Variants in PHIP observed in about 807,000 individuals in gnomAD.
The protein encoded by PHIP is PHIP subunit of CUL4-Ring ligase complex.
PHIP carries 54 observed loss-of-function variants against 236.8 expected under a neutral mutation model. The ratio of observed to expected loss-of-function variants is 0.23; its 90% CI spans 0.18 to 0.29. PHIP has a LOEUF of 0.29. Ranked by LOEUF, PHIP falls within the 10% of genes least tolerant of loss-of-function variation. The pLI, the probability that PHIP is intolerant of heterozygous loss-of-function variation, is 1.00. For missense variants in PHIP, 1,370 were observed against 2,190.8 expected (o/e 0.63, Z 7.48); for synonymous variants, 756 against 718.9 (o/e 1.05, Z -0.83).
chr6:78,988,356 A>C lies in PHIP; in HGVS notation c.2320-7T>G, dbSNP rs1768997193. 3.2e-6 allele frequency: 5 copies of C among 1,564,138 alleles called. No homozygotes were observed. The highest frequency in any genetic ancestry group is 3.5e-6 in the Non-Finnish European group (4 of 1,156,346). On this transcript the variant is annotated splice_region_variant and splice_polypyrimidine_tract_variant and intron_variant, in intron 20 of 39. Transcript: ENST00000275034. ...AATGCTCATGAGCATGATTCTAGAA[A>C]AAAATAAATTAAATTTATTCACAGA...
Position 79,069,155 on chromosome 6 carries a change from T to C in PHIP, c.189+8293A>G, listed in dbSNP as rs539740512. ...AACAAAATTATAGAAATACAATATA[T>C]TGTATATACATTAATTATATTTTAT... On this transcript the variant is annotated intron_variant, in intron 4 of 39. Coordinates refer to ENST00000275034, the MANE Select transcript of PHIP (RefSeq NM_017934.7). Among the ~76,000 whole-genome samples the C allele has an allele frequency of 1.5e-3, 221 of 148,572 alleles. 2 individuals carry two copies. The Middle Eastern group carries it at 0.04, about 27-fold the overall frequency.
chr6:79,036,825 G>A (rs536508402), intron 7 of PHIP, among the ~76,000 whole-genome samples: 1 of 148,336 alleles, frequency 6.7e-6, no homozygotes, highest in South Asian at 2.1e-4. Flanking sequence ...GGAGGCTGAG[G>A]CAGAAGAATG....
At chr6:79,031,185 C>T (rs1440524900) in intron 7 of PHIP, among the ~76,000 whole-genome samples, 2 of 152,178 alleles carry the variant, frequency 1.3e-5, no homozygotes, top group African/African-American at 4.8e-5. Context: ...CTCAAGTGAT[C>T]CATCTGCCTC....
At chr6:79,054,363 T>C (rs1582293420) in intron 6 of PHIP, among the ~76,000 whole-genome samples, 1 of 142,192 alleles carries the variant, frequency 7.0e-6, no homozygotes, top group Non-Finnish European at 1.5e-5. Context: ...AAGCGAAGTA[T>C]AAAACCTTTA....
intron 7 of PHIP, among the ~76,000 whole-genome samples, chr6:79,038,063 T>C (rs916013078): frequency 3.9e-5 from 6 of 152,246 alleles, no homozygotes; most frequent in African/African-American, 1.4e-4. Context: ...ATATTAAGTG[T>C]ATTCAGTTTT....
intron 19 of PHIP, among the ~76,000 whole-genome samples, chr6:78,994,662 C>G (rs1398751393): frequency 6.6e-6 from 1 of 152,092 alleles, no homozygotes; most frequent in East Asian, 1.9e-4. Flanking sequence ...AAATAAGTTC[C>G]ACACAGAAAT....
intron 23 of PHIP, among the ~76,000 whole-genome samples, chr6:78,980,442 C>A (rs77931443): frequency 0.02 from 2,983 of 151,936 alleles, 90 homozygotes; most frequent in African/African-American, 0.068. Context: ...ATAATTAATT[C>A]CCTGATGGAC....
At chr6:79,059,357 A>T (rs1773238036) in intron 6 of PHIP, among the ~76,000 whole-genome samples, 1 of 151,740 alleles carries the variant, frequency 6.6e-6, no homozygotes, top group Non-Finnish European at 1.5e-5. Context: ...GACATATCAT[A>T]CTCAAACTGC....
intron 7 of PHIP, among the ~76,000 whole-genome samples, chr6:79,036,921 CAAAAAAAAAAAA>C (rs34875528): frequency 1.0e-4 from 4 of 38,950 alleles, no homozygotes; most frequent in Non-Finnish European, 1.4e-4. Context: ...GACTCCGTCT[CAAAAAAAAAAAA>C]AAAAAAAAAA....
intron 7 of PHIP, among the ~76,000 whole-genome samples, chr6:79,028,832 T>G (rs192122685): frequency 6.6e-6 from 1 of 152,312 alleles, no homozygotes; most frequent in East Asian, 1.9e-4. Context: ...AATAAGAGTG[T>G]GTTTTACATT....
Position 78,954,951 on chromosome 6 carries a change from T to C in PHIP, c.3916A>G (p.Arg1306Gly), listed in dbSNP as rs1296475851. 6.4e-7 allele frequency: 1 copy of C among 1,560,842 alleles called. No homozygotes were observed. Among genetic ancestry groups the C allele is most frequent in the Admixed American group, 2.2e-5 (1 of 45,610 alleles). ...TGGGCTCTATTACGTAATCTTCTTC[T>C]AGGCTGATGGTCCTGTGATAAAAGT... Reference protein sequence around the residue: ...STRKRKDHQPRRRLRNRAQSY... With the variant: ...STRKRKDHQPGRRLRNRAQSY... The change falls in exon 35 of 40, where the codon AGA (arginine) becomes GGA (glycine). Residue 1306 changes from arginine (R) to glycine (G), a missense_variant. This residue lies in a region of PHIP where 125 missense variants were observed against 235.1 expected (regional missense o/e 0.53). Coordinates refer to ENST00000275034, the MANE Select transcript of PHIP (RefSeq NM_017934.7).
rs112227262 is a variant in PHIP at position 78,998,435 on chromosome 6, T to G, written c.1880-44A>C. ...AATATTACGAATATTTTAGCTACTA[T>G]TCAAACCATTTTACTCACCAACCTC... is the stretch of plus-strand genomic sequence containing the variant. On this transcript the variant is annotated intron_variant, in intron 17 of 39. Transcript: ENST00000275034. 1.0e-3 allele frequency: 1,611 copies of G among 1,557,340 alleles called. 18 individuals are homozygous for G. In the African/African-American group the frequency reaches 0.019, roughly 18 times the overall value.
chr6:79,078,143 C>A lies in PHIP; in HGVS notation c.-75G>T, dbSNP rs1450845442. ...GAAGCGGGGACGGTGCCGCCGCCTG[C>A]CCTATAGCTGTCAGTGTGTGTTCAC... On this transcript the variant is annotated 5_prime_UTR_variant, in exon 1 of 40. Transcript: ENST00000275034. 9 of 1,455,640 alleles carry A rather than the reference C, an allele frequency of 6.2e-6. No individual in the cohort carries two copies. In the Admixed American group the frequency reaches 9.0e-5, roughly 14 times the overall value. The allele number at this position is 1,455,640 out of a possible 1,614,324, so 90.2% of individuals were successfully genotyped here.
chr6:79,045,229 C>T (rs1333211698), intron 6 of PHIP, among the ~76,000 whole-genome samples: 7 of 151,994 alleles, frequency 4.6e-5, no homozygotes, highest in Non-Finnish European at 2.9e-5. Context: ...TACGTAGATT[C>T]CCAGGTAATA....
In PHIP at chr6:78,990,849, C is replaced by A; in HGVS notation, c.2319+19G>T. ...TACTTAAGAAGCAAATATTAAACAT[C>A]AAAATAATTAATATGTACCTTTGAG... is the stretch of plus-strand genomic sequence containing the variant. On this transcript the variant is annotated intron_variant, in intron 20 of 39. Coordinates refer to ENST00000275034, the MANE Select transcript of PHIP (RefSeq NM_017934.7). The A allele has an allele frequency of 7.3e-7, 1 of 1,372,794 alleles. No individual in the cohort carries two copies. The highest frequency in any genetic ancestry group is 1.3e-5 in the South Asian group (1 of 79,770). 85.0% of individuals were successfully genotyped at this position (1,372,794 alleles called of 1,614,324 possible). A position where few individuals can be genotyped will look rare whatever the true frequency, so the allele number is the denominator to read the frequency against.
intron 9 of PHIP, among the ~76,000 whole-genome samples, chr6:79,022,338 G>T (rs1771161394): frequency 6.6e-6 from 1 of 152,104 alleles, no homozygotes; most frequent in African/African-American, 2.4e-5. Flanking sequence ...TTTTTATTAG[G>T]TTCAACAAGT....
At chr6:78,985,231 CA>C (rs1247088540) in intron 22 of PHIP, 120 bp downstream of exon 22, 5 of 661,806 alleles carry the variant, frequency 7.6e-6, no homozygotes, top group Non-Finnish European at 1.4e-5. Context: ...CATACAACTT[CA>C]AAAACTCTCT....
chr6:79,014,629 ATAC>A (rs1770750136), intron 15 of PHIP, among the ~76,000 whole-genome samples: 1 of 151,858 alleles, frequency 6.6e-6, no homozygotes, highest in Non-Finnish European at 1.5e-5. Context: ...AATATTTAAT[ATAC>A]TACCAATTGA....
intron 7 of PHIP, among the ~76,000 whole-genome samples, chr6:79,035,825 TTTA>T (rs1771904556): frequency 6.6e-6 from 1 of 152,208 alleles, no homozygotes; most frequent in Admixed American, 6.5e-5. Flanking sequence ...TTCTAGGTCA[TTTA>T]TTTTCTTTCT....
Sources: allele counts gnomAD v4.1 joint callset (sites outside exome capture counted in the v4.1 genomes callset), GRCh38; gene constraint gnomAD v4.1.1; regional missense constraint gnomAD v4.1.1; transcripts MANE v1.5; gene names NCBI Gene and HGNC (gene_info 2026-07-23, HGNC 2026-07-21).